Variants in ASAP2 observed in about 807,000 individuals in gnomAD.
The protein encoded by ASAP2 is ArfGAP with SH3 domain, ankyrin repeat and PH domain 2, also known as arf-GAP with SH3 domain, ANK repeat and PH domain-containing protein 2.
ASAP2 carries 45 observed loss-of-function variants against 131.4 expected under a neutral mutation model. The observed-to-expected ratio is 0.34, with a 90% CI of 0.27 to 0.44. ASAP2 has a LOEUF of 0.44. ASAP2 is among the 20% of genes least tolerant of loss of function. ASAP2 has a pLI of 1.00. For missense variants in ASAP2, 1,011 were observed against 1,297.0 expected (o/e 0.78, Z 3.39); for synonymous variants, 510 against 503.0 (o/e 1.01, Z -0.19).
intron 2 of ASAP2, among the ~76,000 whole-genome samples, chr2:9,291,663 A>G (rs1232648502): frequency 6.6e-6 from 1 of 152,160 alleles, no homozygotes; most frequent in Non-Finnish European, 1.5e-5. Context: ...AGCTGTCTGC[A>G]TGGAAGGTTG....
intron 1 of ASAP2, among the ~76,000 whole-genome samples, chr2:9,247,694 C>T (rs1664429471): frequency 6.6e-6 from 1 of 152,200 alleles, no homozygotes; most frequent in Non-Finnish European, 1.5e-5. Flanking sequence ...GTTTAGAAAG[C>T]GCCTAGGCTG....
chr2:9,211,165 A>C (rs929957659), intron 1 of ASAP2, among the ~76,000 whole-genome samples: 2 of 152,048 alleles, frequency 1.3e-5, no homozygotes, highest in Admixed American at 6.5e-5. Flanking sequence ...CAAAAAAAAA[A>C]AAAAAAGTTT....
chr2:9,283,147 G>T (rs908089427), intron 2 of ASAP2, among the ~76,000 whole-genome samples: 1 of 151,918 alleles, frequency 6.6e-6, no homozygotes, highest in Admixed American at 6.5e-5. Context: ...GCATGATCTC[G>T]GCTCACTGCA....
At position 9,207,297 on chromosome 2, in the gene ASAP2, G is replaced by A. The variant is rs1558233504; in HGVS notation, c.126+67G>A. On this transcript the variant is annotated intron_variant, in intron 1 of 27. Transcript: ENST00000281419. This position sits in a 1 kb window ranked among gnomAD's most constrained non-coding sequence, Gnocchi z 4.1. Reference sequence around the variant, plus strand: ...CGCCCCAGCCCCGCCCGCCGCTCCCGCATCCGCATCCCGAGAAAACTTTCT... The same window carrying A: ...CGCCCCAGCCCCGCCCGCCGCTCCCACATCCGCATCCCGAGAAAACTTTCT... 10 of 1,446,104 alleles carry A rather than the reference G, an allele frequency of 6.9e-6. No homozygotes were observed. Among genetic ancestry groups the A allele is most frequent in the African/African-American group, 1.5e-5 (1 of 66,914 alleles). The allele number at this position is 1,446,104 out of a possible 1,614,324, so 89.6% of individuals were successfully genotyped here. A position where few individuals can be genotyped will look rare whatever the true frequency, so the allele number is the denominator to read the frequency against.
Position 9,368,465 on chromosome 2 carries a change from T to C in ASAP2, c.1502T>C (p.Met501Thr), listed in dbSNP as rs767128169. 7.4e-6 allele frequency: 12 copies of C among 1,614,162 alleles called. No homozygotes were observed. Among genetic ancestry groups the C allele is most frequent in the Non-Finnish European group, 9.3e-6 (11 of 1,180,036 alleles). The change falls in exon 16 of 28, where the codon ATG becomes ACG. Residue 501 changes from methionine (M) to threonine (T), a missense_variant. Around this residue, in one of 2 missense-constraint regions of ASAP2, gnomAD observed 652 missense variants for 698.9 expected, o/e 0.93. Transcript: ENST00000281419. ...GGGAATGCAGGCTTTAATGAGATCA[T>C]GGAATGTTGCCTACCAGCTGAGGAC... ...NIGNAGFNEI[M>T]ECCLPAEDSV...
intron 9 of ASAP2, among the ~76,000 whole-genome samples, chr2:9,337,605 G>A (rs1308788625): frequency 6.6e-6 from 1 of 152,170 alleles, no homozygotes; most frequent in African/African-American, 2.4e-5. Flanking sequence ...TTGATGGTTG[G>A]TAGAAGCCAG....
In ASAP2 at chr2:9,292,804, C is replaced by T. The variant is rs1418418826; in HGVS notation, c.200-4496C>T. On this transcript the variant is annotated intron_variant, in intron 2 of 27. Coordinates refer to ENST00000281419, the MANE Select transcript of ASAP2 (RefSeq NM_003887.3). ...CATGAGCATATGTGTCCTTGTATCT[C>T]ACCCCAGCATACCGTCACATCCCTG... Among the ~76,000 whole-genome samples the T allele has an allele frequency of 2.0e-5, 3 of 152,234 alleles. No individual in the cohort carries two copies. The East Asian group carries it at 5.8e-4, about 29-fold the overall frequency.
chr2:9,332,698 A>G (rs1433345996), intron 7 of ASAP2, among the ~76,000 whole-genome samples: 5 of 152,152 alleles, frequency 3.3e-5, no homozygotes, highest in Admixed American at 1.3e-4. Context: ...GTGGTTTTGC[A>G]TTTATCACCT....
intron 12 of ASAP2, 28 bp from the exon 13 acceptor site, chr2:9,356,019 C>T (rs761066423): frequency 6.2e-7 from 1 of 1,613,336 alleles, no homozygotes; most frequent in Non-Finnish European, 8.5e-7. Context: ...TGTCTGGGCT[C>T]ACAGTTGAAA....
intron 11 of ASAP2, among the ~76,000 whole-genome samples, chr2:9,349,689 T>C (rs1350959402): frequency 5.3e-5 from 8 of 152,202 alleles, no homozygotes; most frequent in African/African-American, 1.9e-4. Context: ...TATCTGACTT[T>C]ATCTGACTTT....
intron 1 of ASAP2, among the ~76,000 whole-genome samples, chr2:9,260,712 G>A (rs1665520005): frequency 6.6e-6 from 1 of 152,196 alleles, no homozygotes; most frequent in South Asian, 2.1e-4. Context: ...TCTACCATAG[G>A]GGAATGGGGT....
chr2:9,212,920 A>G (rs953809857), intron 1 of ASAP2, among the ~76,000 whole-genome samples: 2 of 152,222 alleles, frequency 1.3e-5, no homozygotes, highest in Non-Finnish European at 2.9e-5. Flanking sequence ...CCGGCTGCAC[A>G]CTGGAGTTGC....
chr2:9,312,836 T>C (rs1428164445), intron 3 of ASAP2, among the ~76,000 whole-genome samples: 2 of 152,130 alleles, frequency 1.3e-5, no homozygotes, highest in African/African-American at 4.8e-5. Context: ...TCCTTTACAG[T>C]GGTCATCAGA....
At chr2:9,278,724 CTCTA>C (rs1436497866) in intron 1 of ASAP2, among the ~76,000 whole-genome samples, 2 of 152,106 alleles carry the variant, frequency 1.3e-5, no homozygotes, top group African/African-American at 4.8e-5. Flanking sequence ...ATGAGAGTAC[CTCTA>C]TCTAATTATT....
intron 1 of ASAP2, among the ~76,000 whole-genome samples, chr2:9,269,228 A>G (rs953219430): frequency 6.6e-6 from 1 of 151,346 alleles, no homozygotes; most frequent in African/African-American, 2.4e-5. Flanking sequence ...CAGGTCTCCT[A>G]AGGGGAAGAG....
Position 9,385,409 on chromosome 2 carries a change from A to G in ASAP2, c.2130+51A>G, listed in dbSNP as rs746687539. On this transcript the variant is annotated intron_variant, in intron 21 of 27. Transcript: ENST00000281419. ...AGAGTTTTGATCAGCTTCATCCAGAACAGTGTGGGTCCTAATCTGTAATTA... is the reference window on the plus strand; with the variant it reads ...AGAGTTTTGATCAGCTTCATCCAGAGCAGTGTGGGTCCTAATCTGTAATTA... 10 of 1,375,050 alleles carry G rather than the reference A, an allele frequency of 7.3e-6. No homozygotes were observed. In the Admixed American group the frequency reaches 1.7e-4, roughly 23 times the overall value. 85.2% of individuals were successfully genotyped at this position (1,375,050 alleles called of 1,614,324 possible).
At chr2:9,328,888 T>A (rs1021359831) in intron 7 of ASAP2, among the ~76,000 whole-genome samples, 13 of 152,188 alleles carry the variant, frequency 8.5e-5, no homozygotes, top group African/African-American at 2.9e-4. Flanking sequence ...CAAAATTGTT[T>A]TAAAGTATAG....
At chr2:9,272,506 G>A (rs1439297518) in intron 1 of ASAP2, among the ~76,000 whole-genome samples, 1 of 152,150 alleles carries the variant, frequency 6.6e-6, no homozygotes, top group Non-Finnish European at 1.5e-5. Context: ...CATTTTGTGG[G>A]TTGTCTCTTC....
At position 9,270,950 on chromosome 2, in the gene ASAP2, G is replaced by A. The variant is rs534907952; in HGVS notation, c.127-8367G>A. On this transcript the variant is annotated intron_variant, in intron 1 of 27. Transcript: ENST00000281419. ...TGGGACTACAGGTGCCCGCCACTAC[G>A]CCCGGCTAATTTTTTTGTATTTTTA... is the stretch of plus-strand genomic sequence containing the variant. 4.3e-3 allele frequency among the ~76,000 whole-genome samples: 659 copies of A among 151,630 alleles called. 8 individuals are homozygous for A. Among genetic ancestry groups the A allele is most frequent in the African/African-American group, 0.015 (624 of 41,326 alleles).
Sources: allele counts gnomAD v4.1 joint callset (sites outside exome capture counted in the v4.1 genomes callset), GRCh38; gene constraint gnomAD v4.1.1; regional missense constraint gnomAD v4.1.1; non-coding constraint Gnocchi (gnomAD v3.1); transcripts MANE v1.5; gene names NCBI Gene and HGNC (gene_info 2026-07-23, HGNC 2026-07-21).